The following MCC variants were observed in gnomAD, a reference collection of about 807,000 sequenced individuals.
MCC encodes colorectal mutant cancer protein.
A neutral mutation model predicts 116.2 loss-of-function variants in MCC; 90 were observed. That is an observed-to-expected ratio of 0.77 (90% CI 0.65 to 0.92). The LOEUF (loss-of-function observed/expected upper bound fraction) is 0.92. Among genes scored for constraint, MCC ranks in the 40% least tolerant of loss-of-function variants. The pLI is 0.00. For missense variants in MCC, 1,516 were observed against 1,312.2 expected, an observed-to-expected ratio of 1.16 and a Z score of -2.40; for synonymous variants, 578 against 510.5, an observed-to-expected ratio of 1.13 and a Z score of -1.78.
intron 2 of MCC, among the ~76,000 whole-genome samples, chr5:113,371,708 T>C (rs1054937853): frequency 6.6e-6 from 1 of 152,244 alleles, no homozygotes; most frequent in South Asian, 2.1e-4. Flanking sequence ...TTTAAACTTA[T>C]ACACAAAACA....
chr5:113,115,882 C>T (rs576314751), intron 6 of MCC, among the ~76,000 whole-genome samples: 1 of 152,250 alleles, frequency 6.6e-6, no homozygotes. Context: ...TGACAATATA[C>T]AAGAAAAGAC....
At chr5:113,160,879 A>C (rs974579179) in intron 3 of MCC, among the ~76,000 whole-genome samples, 3 of 152,160 alleles carry the variant, frequency 2.0e-5, no homozygotes, top group Admixed American at 6.5e-5. Context: ...AAGAGGACAA[A>C]ATTGTAGTAT....
intron 3 of MCC, among the ~76,000 whole-genome samples, chr5:113,219,226 A>G (rs1482536193): frequency 1.3e-5 from 2 of 152,156 alleles, no homozygotes; most frequent in African/African-American, 4.8e-5. Flanking sequence ...TTGAACAAAG[A>G]GTTCTGTTAC....
At chr5:113,221,196 G>A (rs892175390) in intron 3 of MCC, among the ~76,000 whole-genome samples, 17 of 152,196 alleles carry the variant, frequency 1.1e-4, no homozygotes, top group African/African-American at 2.2e-4. Context: ...ACAGTGAGAC[G>A]CTGTCATAAA....
chr5:113,204,778 T>C (rs1320010550), intron 3 of MCC, among the ~76,000 whole-genome samples: 1 of 152,218 alleles, frequency 6.6e-6, no homozygotes, highest in Non-Finnish European at 1.5e-5. Context: ...TCTGATCATA[T>C]TACCTTTTGC....
At chr5:113,356,700 A>G (rs756496388) in intron 2 of MCC, among the ~76,000 whole-genome samples, 1 of 152,142 alleles carries the variant, frequency 6.6e-6, no homozygotes, top group Non-Finnish European at 1.5e-5. Flanking sequence ...CAAGGCCTAC[A>G]ATTACAGAGC....
At chr5:113,411,690 A>G (rs1378481920) in intron 1 of MCC, among the ~76,000 whole-genome samples, 2 of 151,816 alleles carry the variant, frequency 1.3e-5, no homozygotes, top group Admixed American at 1.3e-4. Context: ...AAAAAGCAAA[A>G]TAAAAAAAAA....
At chr5:113,152,789 C>T (rs956909696) in intron 3 of MCC, among the ~76,000 whole-genome samples, 3 of 152,024 alleles carry the variant, frequency 2.0e-5, no homozygotes, top group Admixed American at 6.6e-5. Context: ...TTAATCGCAT[C>T]GGAGCAGCAA....
intron 1 of MCC, among the ~76,000 whole-genome samples, chr5:113,455,164 T>C (rs1368387227): frequency 6.6e-6 from 1 of 152,194 alleles, no homozygotes; most frequent in Non-Finnish European, 1.5e-5. Context: ...TGATGCCCCA[T>C]TCCTGGTCAT....
At chr5:113,414,287 C>G (rs1468664291) in intron 1 of MCC, among the ~76,000 whole-genome samples, 1 of 152,190 alleles carries the variant, frequency 6.6e-6, no homozygotes, top group African/African-American at 2.4e-5. Context: ...ATTAGGTCCA[C>G]TTGGTGCAGA....
At chr5:113,451,405 G>T (rs369205111) in intron 1 of MCC, among the ~76,000 whole-genome samples, 35 of 152,190 alleles carry the variant, frequency 2.3e-4, no homozygotes, top group African/African-American at 7.0e-4. Flanking sequence ...AACCCTGAGA[G>T]GAAAGCATGT....
chr5:113,057,152 A>G (rs969716423), intron 14 of MCC, among the ~76,000 whole-genome samples: 16 of 152,116 alleles, frequency 1.1e-4, no homozygotes, highest in African/African-American at 3.9e-4. Context: ...AGGGGAGAGA[A>G]AGAAGGAGAA....
intron 14 of MCC, among the ~76,000 whole-genome samples, chr5:113,058,364 G>T (rs1171262834): frequency 1.3e-5 from 2 of 152,218 alleles, no homozygotes; most frequent in African/African-American, 2.4e-5. Flanking sequence ...CGCATCAGCA[G>T]CACCTGGGGA....
intron 1 of MCC, among the ~76,000 whole-genome samples, chr5:113,463,945 AGAGGT>A (rs1184594934): frequency 6.6e-6 from 1 of 152,186 alleles, no homozygotes; most frequent in Non-Finnish European, 1.5e-5. Flanking sequence ...AATGAGCCAA[AGAGGT>A]GGGAGAACAG....
chr5:113,397,268 T>C (rs1293722227), intron 1 of MCC, among the ~76,000 whole-genome samples: 1 of 152,190 alleles, frequency 6.6e-6, no homozygotes, highest in East Asian at 1.9e-4. Context: ...ACTCACCAAG[T>C]CTGCCAAAGT....
chr5:113,414,063 T>C lies in MCC; in HGVS notation c.171-28851A>G, dbSNP rs536205821. On this transcript the variant is annotated intron_variant, in intron 1 of 18. Transcript: ENST00000408903. ...TCATTCAGGAGCAGGTTGTTCAGTT[T>C]CCATGTAGTTGTGCGGTTTTGAGTG... is the stretch of plus-strand genomic sequence containing the variant. Among the ~76,000 whole-genome samples, 6 of 152,360 alleles carry C rather than the reference T, an allele frequency of 3.9e-5. No individual in the cohort carries two copies. The East Asian group carries it at 1.2e-3, about 29-fold the overall frequency.
intron 2 of MCC, among the ~76,000 whole-genome samples, chr5:113,376,069 A>G (rs1369097607): frequency 6.6e-6 from 1 of 152,174 alleles, no homozygotes; most frequent in Non-Finnish European, 1.5e-5. Flanking sequence ...TATCCTCAGG[A>G]TAAGAGTAGA....
chr5:113,176,463 T>C lies in MCC; in HGVS notation c.628-25041A>G, dbSNP rs79136289. Among the ~76,000 whole-genome samples, 987 of 152,320 alleles carry C rather than the reference T, an allele frequency of 6.5e-3. 3 individuals are homozygous for C. Among genetic ancestry groups the C allele is most frequent in the Non-Finnish European group, 0.011 (763 of 68,024 alleles). ...AGGAAAAGACATCTACTATTGAAGC[T>C]CTAGCATGTTCCTCAACACACAGAG... is the stretch of plus-strand genomic sequence containing the variant. On this transcript the variant is annotated intron_variant, in intron 3 of 18. Coordinates refer to ENST00000408903, the MANE Select transcript of MCC (RefSeq NM_001085377.2).
intron 1 of MCC, among the ~76,000 whole-genome samples, chr5:113,473,987 G>A (rs1443445920): frequency 6.6e-6 from 1 of 152,200 alleles, no homozygotes; most frequent in Non-Finnish European, 1.5e-5. Context: ...CTTATCTAAA[G>A]TTACACGACC....
Sources: allele counts gnomAD v4.1 joint callset (sites outside exome capture counted in the v4.1 genomes callset), GRCh38; gene constraint gnomAD v4.1.1; transcripts MANE v1.5; gene names NCBI Gene and HGNC (gene_info 2026-07-23, HGNC 2026-07-21).